The following RBM20 variants were observed in gnomAD, a reference collection of about 807,000 sequenced individuals.
RBM20 encodes RNA binding motif protein 20, also known as RNA-binding protein 20.
RBM20 carries 51 observed loss-of-function variants against 110.1 expected under a neutral mutation model. That is an observed-to-expected ratio of 0.46 (90% confidence interval 0.37 to 0.59). The LOEUF (loss-of-function observed/expected upper bound fraction) is 0.59, where lower values mean the gene tolerates loss of function less well. RBM20 is among the 20% of genes least tolerant of loss of function. The probability of loss-of-function intolerance (pLI) is 0.00; values close to 1 mark genes in which losing one functional copy is unlikely to be tolerated. For synonymous variants in RBM20, 589 were observed against 618.2 expected (o/e 0.95, Z 0.70); for missense variants, 1,512 against 1,574.9 (o/e 0.96, Z 0.68).
At chr10:110,678,095 A>G (rs929115400) in intron 1 of RBM20, among the ~76,000 whole-genome samples, 2 of 152,242 alleles carry the variant, frequency 1.3e-5, no homozygotes, top group African/African-American at 4.8e-5. Context: ...ATAGGTAACT[A>G]TAAAACATAA....
At chr10:110,767,595 T>G (rs1327003565) in intron 1 of RBM20, among the ~76,000 whole-genome samples, 8 of 127,098 alleles carry the variant, frequency 6.3e-5, no homozygotes, top group Admixed American at 3.3e-4. Context: ...AGACGGAGGG[T>G]CTCCTCGCTT....
At chr10:110,725,529 A>G (rs1272778122) in intron 1 of RBM20, among the ~76,000 whole-genome samples, 2 of 152,244 alleles carry the variant, frequency 1.3e-5, no homozygotes, top group African/African-American at 2.4e-5. Flanking sequence ...ACTAGGTATT[A>G]TTTAGATTGA....
At chr10:110,684,780 G>A (rs954489364) in intron 1 of RBM20, among the ~76,000 whole-genome samples, 15 of 152,176 alleles carry the variant, frequency 9.9e-5, no homozygotes, top group African/African-American at 3.1e-4. Context: ...AGAGAAAATC[G>A]TAGACTTTGT....
chr10:110,824,543 T>A (rs953024557), intron 12 of RBM20, among the ~76,000 whole-genome samples: 1 of 152,156 alleles, frequency 6.6e-6, no homozygotes, highest in African/African-American at 2.4e-5. Context: ...CTCTGTAATT[T>A]AGACAGCGAT....
rs1472600720 is a variant in RBM20, at chr10:110,781,940, C to T, written c.1275+56C>T. On this transcript the variant is annotated intron_variant, in intron 2 of 13. Transcript: ENST00000369519. The stretch of plus-strand genomic sequence containing the variant: ...AGCTAGAAGCCTGGGCAGGCCTTTC[C>T]CCATGACCCAACTCACGCTGCCAAT... 3.9e-6 allele frequency: 6 copies of T among 1,548,228 alleles called. No individual in the cohort carries two copies. In the African/African-American group the frequency reaches 6.8e-5, roughly 18 times the overall value.
At chr10:110,663,178 G>C (rs891712430) in intron 1 of RBM20, among the ~76,000 whole-genome samples, 6 of 151,662 alleles carry the variant, frequency 4.0e-5, no homozygotes, top group African/African-American at 1.5e-4. Flanking sequence ...GACTGGTCTC[G>C]ACCTCCTGAG....
intron 1 of RBM20, among the ~76,000 whole-genome samples, chr10:110,696,822 T>C (rs946316325): frequency 6.6e-6 from 1 of 152,202 alleles, no homozygotes; most frequent in African/African-American, 2.4e-5. Context: ...GCTTTTTATG[T>C]TACTAGATAT....
chr10:110,830,679 G>C (rs952767694), intron 12 of RBM20, among the ~76,000 whole-genome samples: 2 of 152,192 alleles, frequency 1.3e-5, no homozygotes, highest in African/African-American at 4.8e-5. Context: ...AGCAGCTGCA[G>C]AGAGAGGTAC....
rs1311336052 is a variant in RBM20 at position 110,681,996 on chromosome 10, TCTC to T, written c.191+37354_191+37356del. Among the ~76,000 whole-genome samples, 4 of 152,272 alleles carry T rather than the reference TCTC, an allele frequency of 2.6e-5. No homozygotes were observed. The East Asian group carries it at 5.8e-4, about 22-fold the overall frequency. ...CCTCTGCCTCCCGGGTTCAGATGAT[TCTC>T]CTGCCTCAGCCTCCTGAGTAGCTGG... On this transcript the variant is annotated intron_variant, in intron 1 of 13. Coordinates refer to ENST00000369519, the MANE Select transcript of RBM20 (RefSeq NM_001134363.3).
At chr10:110,735,956 G>A (rs71481105) in intron 1 of RBM20, among the ~76,000 whole-genome samples, 19,916 of 152,090 alleles carry the variant, frequency 0.13, 1,522 homozygotes, top group East Asian at 0.22. Flanking sequence ...TTGAAGATAT[G>A]GTATCTCCCA....
intron 1 of RBM20, among the ~76,000 whole-genome samples, chr10:110,752,945 A>ATATATTTTTTT (rs1433992064): frequency 1.8e-5 from 2 of 109,014 alleles, no homozygotes; most frequent in African/African-American, 7.5e-5. Flanking sequence ...ATATATATAT[A>ATATATTTTTTT]TTTTTTTTTT....
At chr10:110,644,133 C>T (rs1436321216), upstream of RBM20, among the ~76,000 whole-genome samples, 1 of 152,158 alleles carries the variant, frequency 6.6e-6, no homozygotes, top group African/African-American at 2.4e-5. The surrounding 1 kb of genome is among the most constrained non-coding windows in gnomAD (Gnocchi z 4.3). Context: ...CGCTCCCTCC[C>T]CGCTTCCTGC....
intron 1 of RBM20, among the ~76,000 whole-genome samples, chr10:110,735,768 C>G (rs2039902): frequency 2.0e-5 from 3 of 152,132 alleles, no homozygotes; most frequent in Admixed American, 6.5e-5. Flanking sequence ...TCGGCTACTA[C>G]ATGTAGAGCT....
chr10:110,650,498 GCAGGGGGGT>G, intron 1 of RBM20, among the ~76,000 whole-genome samples: 1 of 152,278 alleles, frequency 6.6e-6, no homozygotes, highest in African/African-American at 2.4e-5. Context: ...GAAACAAAAG[GCAGGGGGGT>G]CATGCATGTG....
In RBM20 at chr10:110,781,194, G is replaced by A; in HGVS notation, c.585G>A (p.Val195=). ...CCAACCAGCCACCCAGTGCCATGGTGATGCATCCTTTCACTGGGGTAATGC... is the reference window on the plus strand; with the variant it reads ...CCAACCAGCCACCCAGTGCCATGGTAATGCATCCTTTCACTGGGGTAATGC... ...NLPNQPPSAM[V]MHPFTGVMPQ... The change falls in exon 2 of 14, where the codon GTG becomes GTA. Residue 195 remains valine, a synonymous_variant. Coordinates refer to ENST00000369519, the MANE Select transcript of RBM20 (RefSeq NM_001134363.3). 6.4e-7 allele frequency: 1 copy of A among 1,551,670 alleles called. No homozygotes were observed. Among genetic ancestry groups the A allele is most frequent in the East Asian group, 2.4e-5 (1 of 40,926 alleles).
chr10:110,735,830 C>T (rs1239951476), intron 1 of RBM20, among the ~76,000 whole-genome samples: 4 of 152,292 alleles, frequency 2.6e-5, no homozygotes, highest in African/African-American at 9.6e-5. Flanking sequence ...TACTAATTAA[C>T]ATGTATCTTA....
chr10:110,694,171 G>A (rs1862628157), intron 1 of RBM20, among the ~76,000 whole-genome samples: 1 of 152,122 alleles, frequency 6.6e-6, no homozygotes, highest in Admixed American at 6.5e-5. Context: ...CTTAACCATA[G>A]GTATCCCAAC....
chr10:110,792,551 C>A (rs188700160), intron 5 of RBM20, among the ~76,000 whole-genome samples: 49 of 152,278 alleles, frequency 3.2e-4, no homozygotes, highest in African/African-American at 1.1e-3. Context: ...CAGTAACTGG[C>A]CCACAGTTAG....
At chr10:110,699,355 G>A (rs553255367) in intron 1 of RBM20, among the ~76,000 whole-genome samples, 10 of 144,004 alleles carry the variant, frequency 6.9e-5, no homozygotes, top group South Asian at 2.1e-4. Context: ...TGCAATGTTT[G>A]CCTCCTCCTG....
Sources: allele counts gnomAD v4.1 joint callset (sites outside exome capture counted in the v4.1 genomes callset), GRCh38; gene constraint gnomAD v4.1.1; non-coding constraint Gnocchi (gnomAD v3.1); transcripts MANE v1.5; gene names NCBI Gene and HGNC (gene_info 2026-07-23, HGNC 2026-07-21).